ELAVL2: variants seen among roughly 807,000 people sequenced by gnomAD.
ELAVL2 encodes ELAV-like protein 2.
ELAVL2 carries 4 observed loss-of-function variants against 34.6 expected under a neutral mutation model. That is an observed-to-expected ratio of 0.12 (90% CI 0.06 to 0.26). The LOEUF (loss-of-function observed/expected upper bound fraction) is 0.26, where lower values mean the gene tolerates loss of function less well. Ranked by LOEUF, ELAVL2 falls within the 10% of genes least tolerant of loss-of-function variation. The probability of loss-of-function intolerance (pLI) is 1.00; values close to 1 mark genes in which losing one functional copy is unlikely to be tolerated. For synonymous variants in ELAVL2, 193 were observed against 154.8 expected (o/e 1.25, Z -1.83); for missense variants, 432 against 442.8 (o/e 0.98, Z 0.22).
At chr9:23,826,999 T>C (rs2065337020), upstream of ELAVL2, among the ~76,000 whole-genome samples, 1 of 152,230 alleles carries the variant, frequency 6.6e-6, no homozygotes, top group South Asian at 2.1e-4. Flanking sequence ...GCTGCACGGT[T>C]TGAATTGGCT....
At chr9:23,792,086 C>A (rs702216) in intron 1 of ELAVL2, among the ~76,000 whole-genome samples, 26,791 of 151,628 alleles carry the variant, frequency 0.18, 4,123 homozygotes, top group African/African-American at 0.41. Context: ...GTAACTACAC[C>A]ATCATTCTAT....
chr9:23,760,701 T>G (rs1349662541), intron 2 of ELAVL2, among the ~76,000 whole-genome samples: 1 of 152,048 alleles, frequency 6.6e-6, no homozygotes, highest in Non-Finnish European at 1.5e-5. Context: ...CTTCCTAATA[T>G]CATAGTGAAC....
At chr9:23,810,638 G>T (rs899119798) in intron 1 of ELAVL2, among the ~76,000 whole-genome samples, 2 of 152,118 alleles carry the variant, frequency 1.3e-5, no homozygotes, top group African/African-American at 4.8e-5. Flanking sequence ...ACCAAAAGTA[G>T]AAAGAACATC....
At chr9:23,831,543 C>G in the ELAVL2 span, 1 of 152,234 alleles carries the variant, frequency 6.6e-6, no homozygotes, top group Admixed American at 6.5e-5. Context: ...TCTTATCAGC[C>G]CGCTGCAGAG....
the ELAVL2 span, among the ~76,000 whole-genome samples, chr9:23,840,256 C>T: frequency 2.0e-5 from 3 of 152,288 alleles, no homozygotes; most frequent in Non-Finnish European, 2.9e-5. Context: ...GACGACAGAA[C>T]TGGATAAAGG....
chr9:23,812,582 A>G (rs2063154186), intron 1 of ELAVL2, among the ~76,000 whole-genome samples: 1 of 152,176 alleles, frequency 6.6e-6, no homozygotes. Flanking sequence ...ACGTTCACCT[A>G]AAAGAATCAT....
the ELAVL2 span, among the ~76,000 whole-genome samples, chr9:23,843,476 C>T: frequency 6.6e-6 from 1 of 152,050 alleles, no homozygotes; most frequent in African/African-American, 2.4e-5. Context: ...TTGTTCTGAT[C>T]ACTGGTACTA....
the ELAVL2 span, among the ~76,000 whole-genome samples, chr9:23,844,203 A>G: frequency 1.3e-5 from 2 of 151,988 alleles, no homozygotes; most frequent in African/African-American, 4.8e-5. Context: ...TATCTCTGAT[A>G]CCAATTATCT....
intron 2 of ELAVL2, 34 bp from the exon 3 acceptor site, chr9:23,731,159 A>G: frequency 6.3e-7 from 1 of 1,577,824 alleles, no homozygotes; most frequent in Non-Finnish European, 8.6e-7. Flanking sequence ...GGCATATATT[A>G]GTTCTATACT....
intron 2 of ELAVL2, among the ~76,000 whole-genome samples, chr9:23,743,022 C>A (rs180888071): frequency 1.3e-3 from 200 of 152,220 alleles, no homozygotes; most frequent in African/African-American, 4.6e-3. Flanking sequence ...ACCTCAAGAA[C>A]ACTCTCTCTG....
chr9:23,810,907 A>C (rs1043882609), intron 1 of ELAVL2, among the ~76,000 whole-genome samples: 1 of 152,126 alleles, frequency 6.6e-6, no homozygotes, highest in African/African-American at 2.4e-5. Context: ...TGCCAACTCC[A>C]CGTATTTTTC....
At chr9:23,763,407 T>TA (rs1485925852) in intron 1 of ELAVL2, among the ~76,000 whole-genome samples, 2 of 152,048 alleles carry the variant, frequency 1.3e-5, no homozygotes, top group African/African-American at 4.8e-5. Context: ...TGGTGGAATC[T>TA]AAAAATCAAC....
intron 3 of ELAVL2, among the ~76,000 whole-genome samples, chr9:23,714,538 T>G (rs1183119470): frequency 6.6e-6 from 1 of 152,196 alleles, no homozygotes; most frequent in Non-Finnish European, 1.5e-5. Context: ...GGCCAACAGT[T>G]AAGGCCCCAA....
intron 3 of ELAVL2, among the ~76,000 whole-genome samples, chr9:23,707,116 A>G (rs1181122274): frequency 1.3e-5 from 2 of 152,230 alleles, no homozygotes; most frequent in Non-Finnish European, 1.5e-5. Flanking sequence ...TGTTTTCTCT[A>G]TGCCTAAATA....
rs2034001721 is a variant in ELAVL2, at chr9:23,693,588, A to G, written c.714-102T>C. The stretch of plus-strand genomic sequence containing the variant: ...CCATCTTCCGAGGGGATATCTGTAC[A>G]CTGATTATATGTGAAGACTCAGAAT... On this transcript the variant is annotated intron_variant, in intron 5 of 6. Transcript: ENST00000397312. 4.4e-6 allele frequency: 6 copies of G among 1,361,936 alleles called. No individual in the cohort carries two copies. In the Admixed American group the frequency reaches 1.0e-4, roughly 23 times the overall value. 84.4% of individuals were successfully genotyped at this position (1,361,936 alleles called of 1,614,324 possible). A position where few individuals can be genotyped will look rare whatever the true frequency, so the allele number is the denominator to read the frequency against.
chr9:23,708,285 A>G (rs1483393851), intron 3 of ELAVL2, among the ~76,000 whole-genome samples: 3 of 152,224 alleles, frequency 2.0e-5, no homozygotes, highest in African/African-American at 7.2e-5. Context: ...CACCATTTAC[A>G]AGGCATTTTC....
chr9:23,732,003 G>A (rs999810321), intron 2 of ELAVL2, among the ~76,000 whole-genome samples: 2 of 152,054 alleles, frequency 1.3e-5, no homozygotes, highest in Non-Finnish European at 2.9e-5. Flanking sequence ...CAATCGCAAT[G>A]GTCTCAACTT....
In ELAVL2 at chr9:23,705,030, T is replaced by C. The variant is rs1217268065; in HGVS notation, c.375A>G (p.Ala125=). Residue 125 remains alanine, a synonymous_variant, in exon 4 of 7, where the codon GCA becomes GCG. Coordinates refer to ENST00000397312, the MANE Select transcript of ELAVL2 (RefSeq NM_004432.5). ...ARPSSASIRD[A]NLYVSGLPKT... is the part of the protein sequence containing the mutation. Reference sequence around the variant, plus strand: ...TTGGAAGTCCGCTGACATATAAATTTGCATCTCTGATAGAAGCTGAACTTG... The same window carrying C: ...TTGGAAGTCCGCTGACATATAAATTCGCATCTCTGATAGAAGCTGAACTTG... 2 of 1,614,038 alleles carry C rather than the reference T, an allele frequency of 1.2e-6. No individual in the cohort carries two copies. The highest frequency in any genetic ancestry group is 4.5e-5 in the East Asian group (2 of 44,888).
At chr9:23,770,357 G>A (rs1171504427) in intron 1 of ELAVL2, among the ~76,000 whole-genome samples, 1 of 152,130 alleles carries the variant, frequency 6.6e-6, no homozygotes, top group Admixed American at 6.6e-5. Context: ...TGCTGTGATA[G>A]GAAGAAAAAT....
Sources: gnomAD v4.1 joint callset for allele counts (sites outside exome capture counted in the v4.1 genomes callset) on GRCh38, gnomAD v4.1.1 for gene constraint, MANE v1.5 for transcripts, NCBI Gene and HGNC (gene_info 2026-07-23, HGNC 2026-07-21) for gene names.